ADAMTSL1: variants seen among roughly 807,000 people sequenced by gnomAD.
ADAMTSL1 encodes ADAMTS-like protein 1.
In ADAMTSL1, 126 loss-of-function variants were observed where a neutral mutation model predicts 201.8. That is an observed-to-expected ratio of 0.62 (90% CI 0.54 to 0.72). The LOEUF (loss-of-function observed/expected upper bound fraction) is 0.72. Ranked by LOEUF, ADAMTSL1 falls within the 30% of genes least tolerant of loss-of-function variation. The pLI, the probability that ADAMTSL1 is intolerant of heterozygous loss-of-function variation, is 0.00. For synonymous variants in ADAMTSL1, 1,121 were observed against 903.4 expected (o/e 1.24, Z -4.32); for missense variants, 2,679 against 2,277.8 (o/e 1.18, Z -3.59).
chr9:18,035,896 T>C (rs561203695), intron 1 of ADAMTSL1, among the ~76,000 whole-genome samples: 1 of 152,294 alleles, frequency 6.6e-6, no homozygotes, highest in Non-Finnish European at 1.5e-5. Flanking sequence ...TCATGCCCTA[T>C]ATATGCTAAG....
At chr9:18,844,376 G>C (rs1300443365) in intron 23 of ADAMTSL1, among the ~76,000 whole-genome samples, 2 of 152,186 alleles carry the variant, frequency 1.3e-5, no homozygotes, top group Non-Finnish European at 2.9e-5. Context: ...GAATGCTGCT[G>C]TCTGATCGTT....
intron 2 of ADAMTSL1, among the ~76,000 whole-genome samples, chr9:18,318,297 T>TA (rs1208086886): frequency 6.6e-6 from 1 of 152,166 alleles, no homozygotes; most frequent in Non-Finnish European, 1.5e-5. Flanking sequence ...TATGGACGGG[T>TA]ACTTCTATTT....
In ADAMTSL1 at chr9:18,776,991, C is replaced by T. The variant is rs1311015887; in HGVS notation, c.2762C>T (p.Ser921Leu). Reference sequence around the variant, plus strand: ...AAGGACGGCCAGCACCTCATCAGCTCGACGCACGTCACGGTGGCCCCCTTC... The same window carrying T: ...AAGGACGGCCAGCACCTCATCAGCTTGACGCACGTCACGGTGGCCCCCTTC... ...WEKDGQHLIS[S>L]THVTVAPFGY... Residue 921 changes from serine (S) to leucine (L), a missense_variant, in exon 19 of 29, where the codon TCG becomes TTG. By Grantham distance (145) the Ser-to-Leu change is moderately radical. Transcript: ENST00000380548. 78 of 1,599,966 alleles carry T rather than the reference C, an allele frequency of 4.9e-5. No homozygotes were observed. The highest frequency in any genetic ancestry group is 6.2e-5 in the Non-Finnish European group (73 of 1,171,476).
chr9:18,044,915 T>G (rs972778314), intron 1 of ADAMTSL1, among the ~76,000 whole-genome samples: 1 of 152,188 alleles, frequency 6.6e-6, no homozygotes, highest in Non-Finnish European at 1.5e-5. Context: ...CTTTTTCAAT[T>G]ACCAAATTAT....
chr9:18,101,741 G>A (rs1023026574), intron 1 of ADAMTSL1, among the ~76,000 whole-genome samples: 1 of 152,182 alleles, frequency 6.6e-6, no homozygotes, highest in Non-Finnish European at 1.5e-5. Flanking sequence ...TTGAATAAAT[G>A]TATTAGGTTC....
chr9:18,210,611 T>C (rs1220674744), intron 2 of ADAMTSL1, among the ~76,000 whole-genome samples: 1 of 151,218 alleles, frequency 6.6e-6, no homozygotes, highest in Admixed American at 6.6e-5. Context: ...CAATAATCAT[T>C]GCATATTCAC....
At chr9:18,831,727 G>T (rs997458356) in intron 23 of ADAMTSL1, among the ~76,000 whole-genome samples, 1 of 152,222 alleles carries the variant, frequency 6.6e-6, no homozygotes, top group Non-Finnish European at 1.5e-5. Flanking sequence ...GAGACAGTGA[G>T]TCAGTATTCA....
chr9:18,116,817 T>A (rs1344744787), intron 1 of ADAMTSL1, among the ~76,000 whole-genome samples: 1 of 152,212 alleles, frequency 6.6e-6, no homozygotes, highest in Non-Finnish European at 1.5e-5. Flanking sequence ...CTGCACCCAT[T>A]AACTCATCAT....
intron 23 of ADAMTSL1, among the ~76,000 whole-genome samples, chr9:18,864,675 T>A (rs74970444): frequency 1.3e-5 from 2 of 152,266 alleles, no homozygotes; most frequent in South Asian, 2.1e-4. Context: ...TCTGTCCAAC[T>A]CAGGCTGTTT....
chr9:18,420,548 T>C (rs1249618231), intron 2 of ADAMTSL1, among the ~76,000 whole-genome samples: 1 of 152,204 alleles, frequency 6.6e-6, no homozygotes, highest in African/African-American at 2.4e-5. Flanking sequence ...ATATTGGGCA[T>C]GCCTTTGTGA....
At chr9:18,767,062 G>T (rs917040090) in intron 16 of ADAMTSL1, among the ~76,000 whole-genome samples, 3 of 152,192 alleles carry the variant, frequency 2.0e-5, no homozygotes, top group Non-Finnish European at 2.9e-5. Context: ...CAAAGTTTTT[G>T]TCCTGGATGT....
At chr9:18,099,539 A>T (rs1187689728) in intron 1 of ADAMTSL1, among the ~76,000 whole-genome samples, 1 of 148,080 alleles carries the variant, frequency 6.8e-6, no homozygotes, top group Non-Finnish European at 1.5e-5. Context: ...TTCTTCAGGG[A>T]CTAAATCTGT....
chr9:18,274,532 G>A (rs866974055), intron 2 of ADAMTSL1, among the ~76,000 whole-genome samples: 1 of 151,760 alleles, frequency 6.6e-6, no homozygotes. Context: ...ACAGAAATAG[G>A]CAAAATAAAA....
chr9:18,290,309 G>T (rs1036477659), intron 2 of ADAMTSL1, among the ~76,000 whole-genome samples: 1 of 151,760 alleles, frequency 6.6e-6, no homozygotes, highest in African/African-American at 2.4e-5. Flanking sequence ...TGCTGCAGGG[G>T]TGTGGAGAAA....
chr9:18,324,485 C>G (rs1339518393), intron 2 of ADAMTSL1, among the ~76,000 whole-genome samples: 1 of 151,176 alleles, frequency 6.6e-6, no homozygotes, highest in Non-Finnish European at 1.5e-5. Flanking sequence ...CTACATCAGG[C>G]TAGGTGCAGT....
At chr9:18,907,018 C>A in intron 28 of ADAMTSL1, 106 bp downstream of exon 28, 1 of 1,320,506 alleles carries the variant, frequency 7.6e-7, no homozygotes, top group Non-Finnish European at 1.1e-6. Context: ...GGTCAGCTTC[C>A]CCAGGGATTG....
chr9:18,303,712 A>G (rs904026821), intron 2 of ADAMTSL1, among the ~76,000 whole-genome samples: 1 of 152,206 alleles, frequency 6.6e-6, no homozygotes, highest in South Asian at 2.1e-4. Flanking sequence ...ACCTTGCTGA[A>G]CCCAAAGAGA....
At chr9:18,219,383 ATTTG>A (rs1332019059) in intron 2 of ADAMTSL1, among the ~76,000 whole-genome samples, 2 of 136,244 alleles carry the variant, frequency 1.5e-5, no homozygotes, top group South Asian at 2.4e-4. Context: ...TTATTTATTT[ATTTG>A]AGACAGTGTG....
At chr9:18,094,682 TC>T (rs1353135139) in intron 1 of ADAMTSL1, among the ~76,000 whole-genome samples, 1 of 151,780 alleles carries the variant, frequency 6.6e-6, no homozygotes, top group Non-Finnish European at 1.5e-5. Context: ...TGCCTCAGCC[TC>T]CCGAGTAGGT....
Sources: gnomAD v4.1 joint callset for allele counts (sites outside exome capture counted in the v4.1 genomes callset) on GRCh38, gnomAD v4.1.1 for gene constraint, MANE v1.5 for transcripts, NCBI Gene and HGNC (gene_info 2026-07-23, HGNC 2026-07-21) for gene names.